Variants in TTC34 observed in about 807,000 individuals in gnomAD.
TTC34 encodes tetratricopeptide repeat protein 34.
In TTC34, 44 loss-of-function variants were observed where a neutral mutation model predicts 40.7. The observed-to-expected ratio is 1.08, with a 90% confidence interval of 0.85 to 1.39. TTC34 has a LOEUF of 1.39. TTC34 is among the 40% of genes most tolerant of loss of function. The pLI, the probability that TTC34 is intolerant of heterozygous loss-of-function variation, is 0.00. For synonymous variants in TTC34, 422 were observed against 398.6 expected (o/e 1.06, Z -0.70); for missense variants, 884 against 838.0 (o/e 1.05, Z -0.68).
chr1:2,781,082 T>G (rs192327636), intron 6 of TTC34, among the ~76,000 whole-genome samples: 2 of 152,328 alleles, frequency 1.3e-5, no homozygotes, highest in South Asian at 4.1e-4. Context: ...TATATGTGAA[T>G]TTTTTTCAAT....
intron 6 of TTC34, among the ~76,000 whole-genome samples, chr1:2,757,749 C>A (rs1294492521): frequency 2.8e-5 from 4 of 144,804 alleles, no homozygotes; most frequent in South Asian, 2.2e-4. Context: ...ACAGTACCCA[C>A]ACCCACAGGC....
chr1:2,640,002 T>G (rs1310316653), exon 9 of TTC34: 3 of 152,388 alleles, frequency 2.0e-5, no homozygotes, highest in African/African-American at 7.2e-5. Context: ...CCCCCTGGAC[T>G]GGGGTTCGTC....
At chr1:2,643,212 C>G (rs1370521116) in intron 8 of TTC34, among the ~76,000 whole-genome samples, 6 of 152,178 alleles carry the variant, frequency 3.9e-5, no homozygotes, top group Admixed American at 1.3e-4. Context: ...GCAGTGCCAC[C>G]CGGAGGGGGC....
At chr1:2,775,546 C>G (rs1174301429) in intron 6 of TTC34, 1 of 148,384 alleles carries the variant, frequency 6.7e-6, no homozygotes, top group Non-Finnish European at 1.5e-5. Context: ...AGAACCTGCA[C>G]CACACACCCC....
chr1:2,755,945 C>G (rs1207257087), intron 6 of TTC34, among the ~76,000 whole-genome samples: 1 of 81,134 alleles, frequency 1.2e-5, no homozygotes, highest in Non-Finnish European at 2.2e-5. Context: ...CACCCTGCAC[C>G]CCCAGGTGAG....
At chr1:2,778,182 T>C (rs1160015830) in intron 6 of TTC34, among the ~76,000 whole-genome samples, 5 of 152,214 alleles carry the variant, frequency 3.3e-5, no homozygotes, top group Non-Finnish European at 7.4e-5. Flanking sequence ...CCTCCTGGCC[T>C]CCAGGATTGC....
In TTC34 at chr1:2,641,903, G is replaced by A; in HGVS notation, c.2713-8C>T. The A allele has an allele frequency of 6.8e-7, 1 of 1,461,116 alleles. No individual in the cohort carries two copies. The highest frequency in any genetic ancestry group is 9.0e-7 in the Non-Finnish European group (1 of 1,109,234). 90.5% of individuals were successfully genotyped at this position (1,461,116 alleles called of 1,614,324 possible). On this transcript the variant is annotated splice_region_variant and splice_polypyrimidine_tract_variant and intron_variant, in intron 8 of 8. Coordinates refer to ENST00000401095, the Ensembl canonical transcript of TTC34. ...GGCTTCCTGGGCCGCCGCCTGCACA[G>A]AGGACACAGAGAGAGGCAGGGAGAG...
At chr1:2,652,526 T>TCTGACTGCCTGGAACAGCACGCGCACAC (rs1639182284) in intron 6 of TTC34, among the ~76,000 whole-genome samples, 2 of 30,894 alleles carry the variant, frequency 6.5e-5, no homozygotes, top group Non-Finnish European at 1.3e-4. Flanking sequence ...CACCCACACC[T>TCTGACTGCCTGGAACAGCACGCGCACAC]CCAGGCGAGC....
intron 6 of TTC34, among the ~76,000 whole-genome samples, chr1:2,653,815 G>A (rs1570757172): frequency 6.6e-6 from 1 of 151,578 alleles, no homozygotes; most frequent in Admixed American, 6.6e-5. Flanking sequence ...CACACCCCCA[G>A]GTGAGCATCT....
At chr1:2,666,246 T>A (rs1311530708) in intron 6 of TTC34, among the ~76,000 whole-genome samples, 3 of 29,540 alleles carry the variant, frequency 1.0e-4, no homozygotes, top group East Asian at 2.3e-3. Flanking sequence ...AACAGCACCC[T>A]GCACCCCCAG....
intron 6 of TTC34, among the ~76,000 whole-genome samples, chr1:2,749,422 C>T (rs1641244624): frequency 7.1e-6 from 1 of 141,042 alleles, no homozygotes; most frequent in African/African-American, 2.9e-5. Context: ...GCGCACGTGA[C>T]AGCCTGGAAC....
chr1:2,769,865 A>C (rs1265072996), intron 6 of TTC34, among the ~76,000 whole-genome samples: 11 of 59,784 alleles, frequency 1.8e-4, no homozygotes, highest in Admixed American at 5.7e-4. Context: ...CTGGAGCAGC[A>C]CCCACACCCC....
chr1:2,786,666 A>G (rs895028622), intron 4 of TTC34, among the ~76,000 whole-genome samples: 4 of 152,162 alleles, frequency 2.6e-5, no homozygotes, highest in African/African-American at 2.4e-5. Context: ...AAGGGTCAAC[A>G]GGCGCCAGGG....
At chr1:2,652,753 A>C (rs1386938413) in intron 6 of TTC34, among the ~76,000 whole-genome samples, 1 of 142,164 alleles carries the variant, frequency 7.0e-6, no homozygotes, top group Non-Finnish European at 1.5e-5. Flanking sequence ...ACAGACTGGA[A>C]CAGCACCCTG....
rs1338199264 is a variant in TTC34 at position 2,677,653 on chromosome 1, C to T, written c.2227-32090G>A. Among the ~76,000 whole-genome samples the T allele has an allele frequency of 1.1e-4, 16 of 150,784 alleles. No individual in the cohort carries two copies. The South Asian group carries it at 3.4e-3, about 32-fold the overall frequency. On this transcript the variant is annotated intron_variant, in intron 6 of 8. Transcript: ENST00000401095. ...ACAGCCTGGAACAGCACACACACCC[C>T]CAGGCGAGCATCTGACAGCCTGGAA...
At chr1:2,654,784 C>T (rs1639282692) in intron 6 of TTC34, among the ~76,000 whole-genome samples, 1 of 130,756 alleles carries the variant, frequency 7.6e-6, no homozygotes, top group East Asian at 2.1e-4. Context: ...CCGGGGCGAG[C>T]ATCTGACAGC....
chr1:2,783,636 C>T, exon 6 of TTC34: 1 of 1,458,882 alleles, frequency 6.9e-7, no homozygotes, highest in Non-Finnish European at 9.2e-7. Context: ...CCAGGTGCAC[C>T]AACGCCCGTC....
chr1:2,700,416 T>C (rs1484024945), intron 6 of TTC34, among the ~76,000 whole-genome samples: 307 of 47,484 alleles, frequency 6.5e-3, no homozygotes, highest in South Asian at 9.7e-3. Context: ...CCCACACCCC[T>C]AGGCGAGCAT....
At chr1:2,748,841 A>ACC (rs1641228269) in intron 6 of TTC34, among the ~76,000 whole-genome samples, 1 of 5,744 alleles carries the variant, frequency 1.7e-4, no homozygotes. Context: ...GCACCCACAA[A>ACC]CCCAGGTGAG....
Sources: gnomAD v4.1 joint callset for allele counts (sites outside exome capture counted in the v4.1 genomes callset) on GRCh38, gnomAD v4.1.1 for gene constraint, MANE v1.5 for transcripts, NCBI Gene and HGNC (gene_info 2026-07-23, HGNC 2026-07-21) for gene names.